PREX1: variants seen among roughly 807,000 people sequenced by gnomAD.
PREX1 encodes phosphatidylinositol 3,4,5-trisphosphate-dependent Rac exchanger 1 protein.
Under a neutral mutation model 198.3 loss-of-function variants are expected in PREX1, and 41 were observed. The observed-to-expected ratio is 0.21, with a 90% confidence interval of 0.16 to 0.27. The LOEUF (loss-of-function observed/expected upper bound fraction) is 0.27, where lower values mean the gene tolerates loss of function less well. Ranked by LOEUF, PREX1 falls within the 10% of genes least tolerant of loss-of-function variation. PREX1 has a pLI of 1.00. For missense variants in PREX1, 1,620 were observed against 2,200.7 expected, an observed-to-expected ratio of 0.74 and a Z score of 5.28; for synonymous variants, 843 against 887.2, an observed-to-expected ratio of 0.95 and a Z score of 0.89.
chr20:48,716,445 C>T (rs1358865824), intron 5 of PREX1, among the ~76,000 whole-genome samples: 1 of 152,170 alleles, frequency 6.6e-6, no homozygotes, highest in Non-Finnish European at 1.5e-5. Context: ...CCAAGGGCAA[C>T]AAACAAACGT....
the PREX1 span, among the ~76,000 whole-genome samples, chr20:48,865,666 G>A: frequency 6.6e-6 from 1 of 152,190 alleles, no homozygotes. Flanking sequence ...GTGCAATGAA[G>A]ATCGAAGTTT....
intron 5 of PREX1, among the ~76,000 whole-genome samples, chr20:48,723,687 C>G (rs1032903841): frequency 6.6e-6 from 1 of 152,200 alleles, no homozygotes; most frequent in African/African-American, 2.4e-5. Context: ...TTCCTGCGGG[C>G]CATTTCCTCC....
At chr20:48,826,247 G>C (rs1456651168) in intron 1 of PREX1, among the ~76,000 whole-genome samples, 1 of 152,054 alleles carries the variant, frequency 6.6e-6, no homozygotes, top group Non-Finnish European at 1.5e-5. Context: ...TCCTAGAGCA[G>C]AGAAGGGGAG....
intron 3 of PREX1, among the ~76,000 whole-genome samples, chr20:48,741,513 C>T (rs529025591): frequency 6.6e-6 from 1 of 152,294 alleles, no homozygotes; most frequent in East Asian, 1.9e-4. Context: ...GTGCACATTA[C>T]CATGCCCGGC....
intron 1 of PREX1, among the ~76,000 whole-genome samples, chr20:48,773,312 T>C (rs932840068): frequency 2.8e-4 from 37 of 134,026 alleles, no homozygotes; most frequent in Admixed American, 2.6e-3. Flanking sequence ...GGAATGTCCA[T>C]ACCAATTATT....
the PREX1 span, among the ~76,000 whole-genome samples, chr20:48,840,275 A>C: frequency 6.6e-6 from 1 of 151,828 alleles, no homozygotes; most frequent in Non-Finnish European, 1.5e-5. Flanking sequence ...TTGGCCTCCC[A>C]AAGTGCTAGG....
the PREX1 span, among the ~76,000 whole-genome samples, chr20:48,873,806 C>T: frequency 0.014 from 2,190 of 152,234 alleles, 48 homozygotes; most frequent in African/African-American, 0.048. Flanking sequence ...AATACGTCAC[C>T]ATGCTCCTCA....
chr20:48,681,422 C>A (rs6090891), intron 10 of PREX1, 87 bp from the exon 11 acceptor site: 9 of 1,288,662 alleles, frequency 7.0e-6, no homozygotes, highest in Non-Finnish European at 7.9e-6. Context: ...GCCACATCCA[C>A]CCCTGGGAAT....
At chr20:48,634,627 C>G in intron 33 of PREX1, 49 bp downstream of exon 33, 8 of 1,584,872 alleles carry the variant, frequency 5.0e-6, no homozygotes, top group Non-Finnish European at 5.2e-6. Flanking sequence ...CTGTCCCTTC[C>G]ACCCCAGGAC....
intron 29 of PREX1, among the ~76,000 whole-genome samples, chr20:48,640,814 G>A (rs987055923): frequency 1.3e-5 from 2 of 148,292 alleles, no homozygotes; most frequent in Non-Finnish European, 3.0e-5. Context: ...TGGAAGGAGG[G>A]AAGGATGGAT....
At position 48,820,044 on chromosome 20, in the gene PREX1, T is replaced by C. The variant is rs372212764; in HGVS notation, c.219+7598A>G. Among the ~76,000 whole-genome samples, 13 of 152,248 alleles carry C rather than the reference T, an allele frequency of 8.5e-5. No individual in the cohort carries two copies. In the East Asian group the frequency reaches 2.3e-3, roughly 27 times the overall value. The stretch of plus-strand genomic sequence containing the variant: ...CCCCAGTCCCGCCAGCCTGAAATAG[T>C]CTCGCCTCCCCTGGCCCAGAATCAA... On this transcript the variant is annotated intron_variant, in intron 1 of 39. Coordinates refer to ENST00000371941, the MANE Select transcript of PREX1 (RefSeq NM_020820.4).
In PREX1 at chr20:48,666,871, G is replaced by T. The variant is rs1251806802; in HGVS notation, c.1666-516C>A. ...AAACTCCAAACAAGACTATTTTATT[G>T]TACTGTGATCAATACCGCAAAGAAA... On this transcript the variant is annotated intron_variant, in intron 14 of 39. Coordinates refer to ENST00000371941, the MANE Select transcript of PREX1 (RefSeq NM_020820.4). This position sits in a 1 kb window ranked among gnomAD's most constrained non-coding sequence, Gnocchi z 4.3. Among the ~76,000 whole-genome samples, 1 of 152,120 alleles carries T rather than the reference G, an allele frequency of 6.6e-6. No individual in the cohort carries two copies. Among genetic ancestry groups the T allele is most frequent in the Non-Finnish European group, 1.5e-5 (1 of 68,014 alleles).
intron 3 of PREX1, among the ~76,000 whole-genome samples, chr20:48,736,729 G>A (rs1385827192): frequency 6.6e-6 from 1 of 152,240 alleles, no homozygotes; most frequent in East Asian, 1.9e-4. Context: ...CTGCAGGGAA[G>A]AGGAAGAGGA....
At chr20:48,647,959 GCA>G (rs955900406) in intron 25 of PREX1, among the ~76,000 whole-genome samples, 67 of 152,316 alleles carry the variant, frequency 4.4e-4, no homozygotes, top group African/African-American at 1.6e-3. Context: ...AGGCTGGAGT[GCA>G]GTGGTGCAAT....
intron 1 of PREX1, among the ~76,000 whole-genome samples, chr20:48,796,562 T>C (rs1468447464): frequency 6.6e-6 from 1 of 151,900 alleles, no homozygotes; most frequent in Non-Finnish European, 1.5e-5. Flanking sequence ...TCTATCTCAC[T>C]GTATGCTTTT....
intron 33 of PREX1, among the ~76,000 whole-genome samples, chr20:48,633,933 T>C (rs952723872): frequency 2.3e-4 from 35 of 152,378 alleles, no homozygotes; most frequent in African/African-American, 8.4e-4. Flanking sequence ...ATATACTATG[T>C]GCTCAAAATT....
At chr20:48,767,601 G>A (rs2090214869) in intron 1 of PREX1, among the ~76,000 whole-genome samples, 1 of 152,144 alleles carries the variant, frequency 6.6e-6, no homozygotes, top group Non-Finnish European at 1.5e-5. Flanking sequence ...TACCATCACT[G>A]ATGGGGTTCT....
chr20:48,748,802 C>T (rs1443461942), intron 1 of PREX1, among the ~76,000 whole-genome samples: 3 of 152,212 alleles, frequency 2.0e-5, no homozygotes, highest in Non-Finnish European at 4.4e-5. Flanking sequence ...GGCCCAGGAC[C>T]ACCAGAGGTT....
intron 19 of PREX1, among the ~76,000 whole-genome samples, chr20:48,654,962 T>C (rs2089531097): frequency 6.6e-6 from 1 of 152,218 alleles, no homozygotes; most frequent in Non-Finnish European, 1.5e-5. Flanking sequence ...AAATCAAGTC[T>C]GGTGAGAGTG....
Sources: gnomAD v4.1 joint callset for allele counts (sites outside exome capture counted in the v4.1 genomes callset) on GRCh38, gnomAD v4.1.1 for gene constraint, Gnocchi (gnomAD v3.1) non-coding constraint, MANE v1.5 for transcripts, NCBI Gene and HGNC (gene_info 2026-07-23, HGNC 2026-07-21) for gene names.